The following VCPKMT variants were observed in gnomAD, a reference collection of about 807,000 sequenced individuals.
VCPKMT encodes protein N-lysine methyltransferase METTL21D.
Under a neutral mutation model 28.6 loss-of-function variants are expected in VCPKMT, and 32 were observed. The ratio of observed to expected loss-of-function variants is 1.12; its 90% confidence interval spans 0.84 to 1.50. The LOEUF is 1.50. Ranked by LOEUF, VCPKMT falls within the 40% of genes most tolerant of loss-of-function variation. The pLI is 0.00. For missense variants in VCPKMT, 366 were observed against 285.0 expected, an observed-to-expected ratio of 1.28 and a Z score of -2.05; for synonymous variants, 138 against 111.4, an observed-to-expected ratio of 1.24 and a Z score of -1.50.
In VCPKMT at chr14:50,116,073, T is replaced by A. The variant is rs1288338896; in HGVS notation, c.373A>T (p.Lys125Ter). 1.9e-6 allele frequency: 3 copies of A among 1,610,568 alleles called. No homozygotes were observed. In the East Asian group the frequency reaches 6.7e-5, roughly 36 times the overall value. ...VTGSVQAKVL[K>*]WGEEIEGFPS... ...AAGCTGAAAGGCCATACAAACCATT[T>A]CAGTACCTTGGCTTGAACAGAACCA... The change falls in exon 2 of 6, where the codon AAA (lysine) becomes TAA (stop). Residue 125 changes from lysine to a stop codon, truncating the protein, a stop_gained. Coordinates refer to ENST00000395860, the MANE Select transcript of VCPKMT (RefSeq NM_024558.3). LOFTEE classifies it high-confidence loss of function.
chr14:50,114,518 A>G, intron 3 of VCPKMT, 114 bp from the exon 4 acceptor site: 1 of 712,032 alleles, frequency 1.4e-6, no homozygotes, highest in Non-Finnish European at 2.1e-6. Context: ...TCCATCTTTG[A>G]ATCAATCCAA....
At position 50,111,739 on chromosome 14, in the gene VCPKMT, A is replaced by G. The variant is rs1882675943; in HGVS notation, c.675+876T>C. The G allele has an allele frequency of 9.0e-6, 6 of 665,406 alleles. No individual in the cohort carries two copies. In the South Asian group the frequency reaches 4.1e-4, roughly 45 times the overall value. 41.2% of individuals were successfully genotyped at this position (665,406 alleles called of 1,614,324 possible). ...CAACAACAAAAAAAATACAAAAATTAGCTGGGCATGGTGGTGCATGCCTAT... is the reference window on the plus strand; with the variant it reads ...CAACAACAAAAAAAATACAAAAATTGGCTGGGCATGGTGGTGCATGCCTAT... On this transcript the variant is annotated intron_variant, in intron 5 of 5. Coordinates refer to ENST00000395860, the MANE Select transcript of VCPKMT (RefSeq NM_024558.3).
chr14:50,111,935 T>C (rs1882688487), intron 5 of VCPKMT: 1 of 985,212 alleles, frequency 1.0e-6, no homozygotes, highest in Non-Finnish European at 1.2e-6. Context: ...TTCTACAGGC[T>C]CAAACCCTAG....
rs892611424 is a variant in VCPKMT, at chr14:50,108,766, T to C, written c.*933A>G. ...TTAAAGTCCTTGACAGATTATTGTA[T>C]ATGAGCGAATGGCTTCATAACATAA... is the stretch of plus-strand genomic sequence containing the variant. On this transcript the variant is annotated 3_prime_UTR_variant, in exon 6 of 6. Coordinates refer to ENST00000395860, the MANE Select transcript of VCPKMT (RefSeq NM_024558.3). The C allele has an allele frequency of 3.0e-6, 3 of 985,776 alleles. No homozygotes were observed. Among genetic ancestry groups the C allele is most frequent in the African/African-American group, 3.5e-5 (2 of 57,360 alleles). 61.1% of individuals were successfully genotyped at this position (985,776 alleles called of 1,614,324 possible).
intron 5 of VCPKMT, chr14:50,112,088 G>A: frequency 2.0e-6 from 2 of 983,672 alleles, no homozygotes; most frequent in Non-Finnish European, 2.4e-6. Flanking sequence ...TTCATTTCCT[G>A]TAAACAATTT....
At position 50,109,441 on chromosome 14, in the gene VCPKMT, TC is replaced by T; in HGVS notation, c.*257del. ...ACCAATTTTTATTTGAATAACTGATTCCCAACATTTAAGAAGAACTTGATGC... is the reference window on the plus strand; with the variant it reads ...ACCAATTTTTATTTGAATAACTGATTCCAACATTTAAGAAGAACTTGATGC... On this transcript the variant is annotated 3_prime_UTR_variant, in exon 6 of 6. Coordinates refer to ENST00000395860, the MANE Select transcript of VCPKMT (RefSeq NM_024558.3). 3 of 1,201,406 alleles carry T rather than the reference TC, an allele frequency of 2.5e-6. No homozygotes were observed. The highest frequency in any genetic ancestry group is 3.1e-6 in the Non-Finnish European group (3 of 968,632). 74.4% of individuals were successfully genotyped at this position (1,201,406 alleles called of 1,614,324 possible). A position where few individuals can be genotyped will look rare whatever the true frequency, so the allele number is the denominator to read the frequency against.
At chr14:50,111,772 G>A (rs952255175) in intron 5 of VCPKMT, 15 of 618,540 alleles carry the variant, frequency 2.4e-5, no homozygotes, top group Admixed American at 1.3e-4. Flanking sequence ...TATGGTCCCA[G>A]GTACTCAGGA....
At chr14:50,106,434 G>C (rs903365025), downstream of VCPKMT, 25 of 457,736 alleles carry the variant, frequency 5.5e-5, no homozygotes, top group Non-Finnish European at 7.2e-5. Flanking sequence ...CCAGCTAGTG[G>C]CATCACCTTA....
the VCPKMT span, among the ~76,000 whole-genome samples, chr14:50,103,228 G>C: frequency 1.3e-5 from 2 of 152,004 alleles, no homozygotes; most frequent in Non-Finnish European, 2.9e-5. Flanking sequence ...TGTCATTCTT[G>C]TCTGTTAGTA....
At chr14:50,104,158 G>A (rs957192904), downstream of VCPKMT, among the ~76,000 whole-genome samples, 3 of 152,186 alleles carry the variant, frequency 2.0e-5, no homozygotes, top group Admixed American at 6.5e-5. Context: ...GAATGCACGT[G>A]AGCAAAATAT....
chr14:50,111,897 A>G, intron 5 of VCPKMT: 10 of 984,142 alleles, frequency 1.0e-5, no homozygotes, highest in Non-Finnish European at 1.2e-5. Flanking sequence ...TCAAAAAAAA[A>G]AAAGGATGAA....
At chr14:50,105,782 C>T (rs1882300013), downstream of VCPKMT, among the ~76,000 whole-genome samples, 1 of 152,220 alleles carries the variant, frequency 6.6e-6, no homozygotes, top group Non-Finnish European at 1.5e-5. Flanking sequence ...ACAGAAGAGA[C>T]TCAAGTCATT....
At chr14:50,115,449 C>T (rs780313639) in intron 3 of VCPKMT, among the ~76,000 whole-genome samples, 3 of 152,116 alleles carry the variant, frequency 2.0e-5, no homozygotes, top group Admixed American at 6.5e-5. Context: ...CCGCGCCCGG[C>T]CCAAACTGGT....
the VCPKMT span, among the ~76,000 whole-genome samples, chr14:50,102,884 T>C: frequency 3.3e-5 from 5 of 152,216 alleles, no homozygotes; most frequent in Non-Finnish European, 5.9e-5. Context: ...ATGACAATAT[T>C]TTCCATTAAT....
rs1213218231 is a variant in VCPKMT at position 50,109,469 on chromosome 14, GAACT to G, written c.*226_*229del. Reference sequence around the variant, plus strand: ...CAACATTTAAGAAGAACTTGATGCTGAACTAAGTAACCTAAGCTGGATTCAGGGC... The same window carrying G: ...CAACATTTAAGAAGAACTTGATGCTGAAGTAACCTAAGCTGGATTCAGGGC... On this transcript the variant is annotated 3_prime_UTR_variant, in exon 6 of 6. Coordinates refer to ENST00000395860, the MANE Select transcript of VCPKMT (RefSeq NM_024558.3). 2 of 1,242,916 alleles carry G rather than the reference GAACT, an allele frequency of 1.6e-6. No individual in the cohort carries two copies. Among genetic ancestry groups the G allele is most frequent in the African/African-American group, 3.1e-5 (2 of 64,158 alleles). The allele number at this position is 1,242,916 out of a possible 1,614,324, so 77.0% of individuals were successfully genotyped here.
At chr14:50,115,558 G>A (rs1017384782) in intron 3 of VCPKMT, among the ~76,000 whole-genome samples, 2 of 152,174 alleles carry the variant, frequency 1.3e-5, no homozygotes, top group East Asian at 3.9e-4. Context: ...GAGGATTTTG[G>A]CTTTTCATAA....
chr14:50,105,304 C>T (rs1301632373), downstream of VCPKMT, among the ~76,000 whole-genome samples: 1 of 152,042 alleles, frequency 6.6e-6, no homozygotes, highest in Non-Finnish European at 1.5e-5. Context: ...TAAAAAAATT[C>T]CCACTAACAT....
rs1882488610 is a variant in VCPKMT, at chr14:50,109,437, T to C, written c.*262A>G. On this transcript the variant is annotated 3_prime_UTR_variant, in exon 6 of 6. Coordinates refer to ENST00000395860, the MANE Select transcript of VCPKMT (RefSeq NM_024558.3). ...CAATACCAATTTTTATTTGAATAAC[T>C]GATTCCCAACATTTAAGAAGAACTT... is the stretch of plus-strand genomic sequence containing the variant. 1 of 1,194,510 alleles carries C rather than the reference T, an allele frequency of 8.4e-7. No homozygotes were observed. Among genetic ancestry groups the C allele is most frequent in the Non-Finnish European group, 1.0e-6 (1 of 964,508 alleles). 74.0% of individuals were successfully genotyped at this position (1,194,510 alleles called of 1,614,324 possible).
downstream of VCPKMT, among the ~76,000 whole-genome samples, chr14:50,105,616 G>C (rs1228741156): frequency 6.6e-6 from 1 of 152,156 alleles, no homozygotes; most frequent in Non-Finnish European, 1.5e-5. Flanking sequence ...GGGTGACAGA[G>C]TGAGAGTCCG....
Sources: allele counts gnomAD v4.1 joint callset (sites outside exome capture counted in the v4.1 genomes callset), GRCh38; gene constraint gnomAD v4.1.1; transcripts MANE v1.5; gene names NCBI Gene and HGNC (gene_info 2026-07-23, HGNC 2026-07-21).